The following NELL2 variants were observed in gnomAD, a reference collection of about 807,000 sequenced individuals.
NELL2 encodes the protein neural EGFL like 2, also known as protein kinase C-binding protein NELL2.
In NELL2, 41 loss-of-function variants were observed where a neutral mutation model predicts 109.6. The ratio of observed to expected loss-of-function variants is 0.37; its 90% CI spans 0.29 to 0.49. The LOEUF (loss-of-function observed/expected upper bound fraction) is 0.49, where lower values mean the gene tolerates loss of function less well. Ranked by LOEUF, NELL2 falls within the 20% of genes least tolerant of loss-of-function variation. The pLI is 0.98. For missense variants in NELL2, 900 were observed against 1,008.3 expected (o/e 0.89, Z 1.45); for synonymous variants, 355 against 344.7 (o/e 1.03, Z -0.33).
At chr12:44,621,204 T>G (rs1431111537) in intron 13 of NELL2, among the ~76,000 whole-genome samples, 3 of 152,170 alleles carry the variant, frequency 2.0e-5, no homozygotes, top group Non-Finnish European at 2.9e-5. Flanking sequence ...TTTGCTTAAC[T>G]CTTCTACTCA....
chr12:44,708,841 G>A (rs371374734), intron 11 of NELL2, among the ~76,000 whole-genome samples: 6 of 152,142 alleles, frequency 3.9e-5, no homozygotes, highest in African/African-American at 1.4e-4. Context: ...GATGGAGGAA[G>A]TATTAGTCAT....
chr12:44,562,887 G>C (rs1171655526), intron 15 of NELL2, among the ~76,000 whole-genome samples: 1 of 152,076 alleles, frequency 6.6e-6, no homozygotes, highest in Non-Finnish European at 1.5e-5. Context: ...TTGCAGCACT[G>C]TTCACAATAG....
intron 19 of NELL2, among the ~76,000 whole-genome samples, chr12:44,516,509 A>G (rs562361836): frequency 6.6e-6 from 1 of 152,218 alleles, no homozygotes; most frequent in Non-Finnish European, 1.5e-5. Flanking sequence ...TTTTTACTAT[A>G]GTATGTGAAA....
At chr12:44,805,782 A>T (rs1366497540) in intron 3 of NELL2, among the ~76,000 whole-genome samples, 2 of 151,904 alleles carry the variant, frequency 1.3e-5, no homozygotes, top group Non-Finnish European at 2.9e-5. Context: ...TATTAATTGC[A>T]ATACCAAATA....
At chr12:44,590,439 C>A (rs1232054995) in intron 15 of NELL2, among the ~76,000 whole-genome samples, 1 of 152,134 alleles carries the variant, frequency 6.6e-6, no homozygotes, top group Non-Finnish European at 1.5e-5. Flanking sequence ...CTAGTCCATA[C>A]AGGTTATATC....
intron 15 of NELL2, among the ~76,000 whole-genome samples, chr12:44,585,359 T>C (rs987677983): frequency 2.0e-5 from 3 of 149,368 alleles, no homozygotes; most frequent in Non-Finnish European, 4.4e-5. Context: ...CCCAGAACTT[T>C]GGGAGGCTGA....
In NELL2 at chr12:44,743,345, A is replaced by T. The variant is rs962859146; in HGVS notation, c.995-28604T>A. Among the ~76,000 whole-genome samples, 281 of 152,318 alleles carry T rather than the reference A, an allele frequency of 1.8e-3. 4 individuals are homozygous for T. The highest frequency in any genetic ancestry group is 2.6e-4 in the Admixed American group (4 of 15,298). ...ACAACCGGTACCAGCCACTGCAAAA[A>T]CATGCCAAATTGTAAAGACCATCGA... On this transcript the variant is annotated intron_variant, in intron 9 of 19. Transcript: ENST00000429094.
intron 1 of NELL2, among the ~76,000 whole-genome samples, chr12:44,891,880 A>G (rs543993408): frequency 2.5e-4 from 38 of 152,392 alleles, no homozygotes; most frequent in African/African-American, 9.1e-4. Context: ...AGAGGATCTC[A>G]GAACAATATG....
At chr12:44,826,980 T>C (rs1200291486) in intron 2 of NELL2, among the ~76,000 whole-genome samples, 4 of 152,234 alleles carry the variant, frequency 2.6e-5, no homozygotes, top group Non-Finnish European at 5.9e-5. Context: ...AAATTATTTA[T>C]ATCATACAAT....
chr12:44,686,274 C>G (rs187617255), intron 12 of NELL2, among the ~76,000 whole-genome samples: 1 of 152,322 alleles, frequency 6.6e-6, no homozygotes, highest in Admixed American at 6.5e-5. Context: ...ATCAGCTCCT[C>G]TAAGCACTTC....
chr12:44,518,950 A>G (rs1941402709), intron 19 of NELL2, among the ~76,000 whole-genome samples: 1 of 152,214 alleles, frequency 6.6e-6, no homozygotes, highest in African/African-American at 2.4e-5. Context: ...TTGATTGACA[A>G]ATTGCATTGA....
At chr12:44,772,108 G>A (rs1941574039) in intron 9 of NELL2, among the ~76,000 whole-genome samples, 1 of 152,160 alleles carries the variant, frequency 6.6e-6, no homozygotes, top group Non-Finnish European at 1.5e-5. Context: ...TAGGATCAAT[G>A]TAGGGTCTAA....
At chr12:44,590,580 A>G (rs183596416) in intron 15 of NELL2, among the ~76,000 whole-genome samples, 22 of 152,314 alleles carry the variant, frequency 1.4e-4, no homozygotes, top group Non-Finnish European at 5.9e-5. Context: ...ACCATTTCAT[A>G]AAATACTGGA....
intron 2 of NELL2, among the ~76,000 whole-genome samples, chr12:44,838,516 T>G (rs2136744251): frequency 6.6e-6 from 1 of 152,178 alleles, no homozygotes; most frequent in South Asian, 2.1e-4. Context: ...GTTACTTTGG[T>G]TCCCATCTGT....
intron 2 of NELL2, among the ~76,000 whole-genome samples, chr12:44,823,441 CTA>C (rs1943606470): frequency 6.6e-6 from 1 of 152,188 alleles, no homozygotes; most frequent in Non-Finnish European, 1.5e-5. Context: ...CTCTCTGCTT[CTA>C]TGAATTCAAT....
chr12:44,791,654 G>C (rs1942438718), intron 3 of NELL2, among the ~76,000 whole-genome samples: 1 of 151,520 alleles, frequency 6.6e-6, no homozygotes, highest in Admixed American at 6.6e-5. Context: ...AAAAAATAGT[G>C]GAGCTGGAGC....
At chr12:44,678,087 A>T (rs1948376829) in intron 12 of NELL2, among the ~76,000 whole-genome samples, 1 of 152,058 alleles carries the variant, frequency 6.6e-6, no homozygotes, top group Admixed American at 6.6e-5. Flanking sequence ...AAAACAATTA[A>T]AATGGATACC....
intron 12 of NELL2, among the ~76,000 whole-genome samples, chr12:44,669,402 G>A (rs1390851765): frequency 6.6e-6 from 1 of 151,836 alleles, no homozygotes; most frequent in African/African-American, 2.4e-5. Flanking sequence ...CCAACATAAA[G>A]GAAATCTATA....
intron 12 of NELL2, among the ~76,000 whole-genome samples, chr12:44,679,225 CT>C (rs1282400612): frequency 6.6e-6 from 1 of 152,046 alleles, no homozygotes; most frequent in Non-Finnish European, 1.5e-5. Flanking sequence ...GTAAGGCATG[CT>C]GGCTTATGAA....
Sources: gnomAD v4.1 joint callset for allele counts (sites outside exome capture counted in the v4.1 genomes callset) on GRCh38, gnomAD v4.1.1 for gene constraint, MANE v1.5 for transcripts, NCBI Gene and HGNC (gene_info 2026-07-23, HGNC 2026-07-21) for gene names.